Variants in SLC9C1 observed in about 807,000 individuals in gnomAD.
SLC9C1 encodes the protein sodium/hydrogen exchanger 10.
SLC9C1 carries 97 observed loss-of-function variants against 140.9 expected under a neutral mutation model. That is an observed-to-expected ratio of 0.69 (90% CI 0.58 to 0.82). The LOEUF (loss-of-function observed/expected upper bound fraction) is 0.82. Ranked by LOEUF, SLC9C1 falls within the 40% of genes least tolerant of loss-of-function variation. The probability of loss-of-function intolerance (pLI) is 0.00; values close to 1 mark genes in which losing one functional copy is unlikely to be tolerated. For synonymous variants in SLC9C1, 440 were observed against 442.6 expected, an observed-to-expected ratio of 0.99 and a Z score of 0.07; for missense variants, 1,340 against 1,389.3, an observed-to-expected ratio of 0.96 and a Z score of 0.56.
Position 112,179,536 on chromosome 3 carries a change from C to T in SLC9C1, c.2914G>A (p.Val972Met). 1 of 1,602,116 alleles carries T rather than the reference C, an allele frequency of 6.2e-7. No homozygotes were observed. The highest frequency in any genetic ancestry group is 8.5e-7 in the Non-Finnish European group (1 of 1,176,368). The change falls in exon 23 of 29, where the codon GTG becomes ATG. Residue 972 changes from valine to methionine, a missense_variant. By Grantham distance (21) the Val-to-Met change is conservative. Transcript: ENST00000305815. ...ACAGGCGAAGTTTTTCTGACCTCCA[C>T]TACAGTTTTGCAGGTGGCAGAATAT... ...MKYSATCKTVVETCFIPKTHL... is the reference protein window; with the variant it reads ...MKYSATCKTVMETCFIPKTHL...
intron 20 of SLC9C1, among the ~76,000 whole-genome samples, chr3:112,190,754 A>G (rs997780423): frequency 2.0e-5 from 3 of 151,550 alleles, no homozygotes; most frequent in African/African-American, 7.3e-5. Context: ...TTTCTCCAGG[A>G]TTTTTTGCCC....
intron 10 of SLC9C1, among the ~76,000 whole-genome samples, chr3:112,251,381 C>T (rs1416200888): frequency 6.6e-6 from 1 of 152,058 alleles, no homozygotes; most frequent in Non-Finnish European, 1.5e-5. Flanking sequence ...GAAATCCCCT[C>T]ATGAACCGAC....
intron 23 of SLC9C1, among the ~76,000 whole-genome samples, chr3:112,178,176 G>A (rs2077374930): frequency 6.7e-6 from 1 of 149,832 alleles, no homozygotes; most frequent in South Asian, 2.1e-4. Flanking sequence ...GTCTGGCTCT[G>A]TTACCAGTCT....
chr3:112,231,130 C>G (rs1408757721), intron 13 of SLC9C1, among the ~76,000 whole-genome samples: 1 of 151,138 alleles, frequency 6.6e-6, no homozygotes, highest in Non-Finnish European at 1.5e-5. Flanking sequence ...TCGTCTCTCT[C>G]TCTCTCTTTT....
intron 20 of SLC9C1, among the ~76,000 whole-genome samples, chr3:112,183,548 C>T (rs1231039564): frequency 1.3e-5 from 2 of 151,186 alleles, no homozygotes; most frequent in African/African-American, 4.9e-5. Flanking sequence ...TCTCCTGGCT[C>T]AGTACAAGGC....
intron 10 of SLC9C1, among the ~76,000 whole-genome samples, chr3:112,246,535 G>A (rs568765999): frequency 6.6e-6 from 1 of 152,218 alleles, no homozygotes; most frequent in South Asian, 2.1e-4. Flanking sequence ...AACTAGGTAT[G>A]TTAGAAAGTC....
At chr3:112,237,096 G>A (rs1483459980) in intron 12 of SLC9C1, among the ~76,000 whole-genome samples, 1 of 152,138 alleles carries the variant, frequency 6.6e-6, no homozygotes, top group Non-Finnish European at 1.5e-5. Context: ...TTGTGTGGGA[G>A]TCTAAGTCTC....
rs749793467 is a variant in SLC9C1 at position 112,263,053 on chromosome 3, A to T, written c.1068T>A (p.Gly356=). ...ATATCCAGCGCCAACTGAACTCATG[A>T]CCAACTCGAGACAAAACAGGGCTTA... ...LLISPVLSRV[G]HEFSWRWIFI... Residue 356 remains glycine, a synonymous_variant, in exon 10 of 29, where the codon GGT becomes GGA. Transcript: ENST00000305815. 6.3e-7 allele frequency: 1 copy of T among 1,597,702 alleles called. No homozygotes were observed. The highest frequency in any genetic ancestry group is 8.5e-7 in the Non-Finnish European group (1 of 1,173,580).
intron 23 of SLC9C1, among the ~76,000 whole-genome samples, chr3:112,172,048 CT>C (rs1210154613): frequency 2.0e-5 from 3 of 152,062 alleles, no homozygotes; most frequent in African/African-American, 7.2e-5. Context: ...AATCATCTAA[CT>C]TTTTTATATT....
At chr3:112,260,149 C>T (rs1023105128) in intron 10 of SLC9C1, among the ~76,000 whole-genome samples, 2 of 152,084 alleles carry the variant, frequency 1.3e-5, no homozygotes, top group African/African-American at 4.8e-5. Flanking sequence ...TTAGGTTTAT[C>T]AGTTTTTGCT....
chr3:112,233,026 T>TACGCACAC (rs147783264), intron 12 of SLC9C1, among the ~76,000 whole-genome samples: 6 of 134,418 alleles, frequency 4.5e-5, no homozygotes, highest in Non-Finnish European at 7.7e-5. Context: ...TTCACTTTCA[T>TACGCACAC]ACACACACAC....
rs201512353 is a variant in SLC9C1, at chr3:112,204,229, G to A, written c.2161C>T (p.Arg721Cys). ...IKVVQFFRIL[R>C]IFKLIAPKLL... Reference sequence around the variant, plus strand: ...TACTGGTTCTTTACCTTGAAAATGCGTAGTATACGAAAAAATTGAACAACT... The same window carrying A: ...TACTGGTTCTTTACCTTGAAAATGCATAGTATACGAAAAAATTGAACAACT... The change falls in exon 17 of 29, where the codon CGC (arginine) becomes TGC (cysteine). Residue 721 changes from arginine (R) to cysteine (C), a missense_variant. Transcript: ENST00000305815. 82 of 1,494,288 alleles carry A rather than the reference G, an allele frequency of 5.5e-5. No homozygotes were observed. The highest frequency in any genetic ancestry group is 1.6e-4 in the Admixed American group (6 of 37,520). The allele number at this position is 1,494,288 out of a possible 1,614,324, so 92.6% of individuals were successfully genotyped here.
chr3:112,180,634 C>T lies in SLC9C1; in HGVS notation c.2678G>A (p.Cys893Tyr). Residue 893 changes from cysteine to tyrosine, a missense_variant, in exon 22 of 29, where the codon TGT becomes TAT. By Grantham distance (194) the Cys-to-Tyr change is radical (BLOSUM62 -2). Coordinates refer to ENST00000305815, the MANE Select transcript of SLC9C1 (RefSeq NM_183061.3). ...ACCTTCTTCAAATATATCATTTCCA[C>T]AATCAAATGTTACAACTTTGGCTTT... ...QEKAKVVTFD[C>Y]GNDIFEEGDE... The T allele has an allele frequency of 1.2e-6, 2 of 1,613,242 alleles. No individual in the cohort carries two copies. Among genetic ancestry groups the T allele is most frequent in the Middle Eastern group, 3.3e-4 (2 of 6,056 alleles).
At chr3:112,258,197 G>A (rs775723574) in intron 10 of SLC9C1, among the ~76,000 whole-genome samples, 6 of 152,112 alleles carry the variant, frequency 3.9e-5, no homozygotes, top group Non-Finnish European at 7.4e-5. Context: ...CTGTGTATAT[G>A]CCCAAAAGAA....
intron 5 of SLC9C1, among the ~76,000 whole-genome samples, chr3:112,275,862 T>C (rs1450730687): frequency 6.6e-6 from 1 of 151,960 alleles, no homozygotes; most frequent in African/African-American, 2.4e-5. Context: ...CTTGGCAGTG[T>C]TTCTCACCAA....
intron 3 of SLC9C1, 133 bp from the exon 4 acceptor site, chr3:112,278,990 T>C: frequency 3.7e-6 from 3 of 817,112 alleles, no homozygotes; most frequent in Non-Finnish European, 5.4e-6. Flanking sequence ...GAGTAAGTGA[T>C]CGTATCAAAT....
At chr3:112,199,884 G>A (rs1469865356) in intron 19 of SLC9C1, among the ~76,000 whole-genome samples, 2 of 151,800 alleles carry the variant, frequency 1.3e-5, no homozygotes, top group Admixed American at 6.6e-5. Flanking sequence ...CCTTTCACTC[G>A]TCTTAGGTCA....
chr3:112,273,653 G>T (rs1052175239), intron 6 of SLC9C1, among the ~76,000 whole-genome samples: 3 of 152,158 alleles, frequency 2.0e-5, no homozygotes, highest in Non-Finnish European at 4.4e-5. Context: ...GAATAGGAAA[G>T]AATAGAGGTA....
intron 13 of SLC9C1, among the ~76,000 whole-genome samples, 164 bp from the exon 14 acceptor site, chr3:112,221,389 G>A (rs1348272014): frequency 1.3e-5 from 2 of 152,124 alleles, no homozygotes; most frequent in African/African-American, 4.8e-5. Flanking sequence ...TACTGGATAA[G>A]GTAGGTCTTG....
Sources: gnomAD v4.1 joint callset for allele counts (sites outside exome capture counted in the v4.1 genomes callset) on GRCh38, gnomAD v4.1.1 for gene constraint, MANE v1.5 for transcripts, NCBI Gene and HGNC (gene_info 2026-07-23, HGNC 2026-07-21) for gene names.